ZMYND8: variants seen among roughly 807,000 people sequenced by gnomAD.
ZMYND8 encodes the protein zinc finger MYND-type containing 8, also known as MYND-type zinc finger-containing chromatin reader ZMYND8.
A neutral mutation model predicts 140.8 loss-of-function variants in ZMYND8; 37 were observed. That is an observed-to-expected ratio of 0.26 (90% CI 0.20 to 0.35). The LOEUF (loss-of-function observed/expected upper bound fraction) is 0.35, where lower values mean the gene tolerates loss of function less well. ZMYND8 is among the 10% of genes least tolerant of loss of function. The probability of loss-of-function intolerance (pLI) is 1.00; values close to 1 mark genes in which losing one functional copy is unlikely to be tolerated. For missense variants in ZMYND8, 1,068 were observed against 1,570.0 expected (o/e 0.68, Z 5.40); for synonymous variants, 592 against 597.1 (o/e 0.99, Z 0.12).
rs115668241 is a variant in ZMYND8 at position 47,248,134 on chromosome 20, G to A, written c.1774+1153C>T. ...TTATTACTGGTGTGACCCTGAACAA[G>A]TTATTTATCTCTCTGAGCCTCAGTT... On this transcript the variant is annotated intron_variant, in intron 13 of 22. Coordinates refer to ENST00000471951, the MANE Select transcript of ZMYND8 (RefSeq NM_001281775.3). Among the ~76,000 whole-genome samples, 705 of 152,308 alleles carry A rather than the reference G, an allele frequency of 4.6e-3. 7 individuals carry two copies. The highest frequency in any genetic ancestry group is 0.016 in the African/African-American group (672 of 41,564).
chr20:47,266,566 G>A (rs796461560), intron 11 of ZMYND8, among the ~76,000 whole-genome samples: 31 of 152,214 alleles, frequency 2.0e-4, no homozygotes, highest in African/African-American at 7.5e-4. Context: ...ACAGATGTTT[G>A]AGCCACTACA....
chr20:47,303,505 G>T (rs1182180426), intron 3 of ZMYND8, among the ~76,000 whole-genome samples: 1 of 152,092 alleles, frequency 6.6e-6, no homozygotes, highest in Non-Finnish European at 1.5e-5. Flanking sequence ...ATCACCTCAG[G>T]TCAGGAGTTC....
Position 47,239,015 on chromosome 20 carries a change from G to C in ZMYND8, c.2408C>G (p.Ser803Cys), listed in dbSNP as rs746018284. 1 of 1,602,494 alleles carries C rather than the reference G, an allele frequency of 6.2e-7. No homozygotes were observed. The highest frequency in any genetic ancestry group is 8.5e-7 in the Non-Finnish European group (1 of 1,171,602). ...AGATATTSTSSTVTVTAPAPA... is the reference protein window; with the variant it reads ...AGATATTSTSCTVTVTAPAPA... The stretch of plus-strand genomic sequence containing the variant: ...GGCCGGGGCCGTGACGGTGACCGTG[G>C]AGGACGTGCTGGTGGTGGCTGTGGC... The change falls in exon 15 of 23, where the codon TCC becomes TGC. Residue 803 changes from serine (S) to cysteine (C), a missense_variant. By Grantham distance (112) the Ser-to-Cys change is moderately radical. Coordinates refer to ENST00000471951, the MANE Select transcript of ZMYND8 (RefSeq NM_001281775.3).
In ZMYND8 at chr20:47,310,300, G is replaced by A. The variant is rs139620712; in HGVS notation, c.86-96C>T. 1,560 of 1,446,246 alleles carry A rather than the reference G, an allele frequency of 1.1e-3. 12 individuals carry two copies. In the African/African-American group the frequency reaches 0.021, roughly 19 times the overall value. The allele number at this position is 1,446,246 out of a possible 1,614,324, so 89.6% of individuals were successfully genotyped here. A position where few individuals can be genotyped will look rare whatever the true frequency, so the allele number is the denominator to read the frequency against. On this transcript the variant is annotated intron_variant, in intron 2 of 22. Coordinates refer to ENST00000471951, the MANE Select transcript of ZMYND8 (RefSeq NM_001281775.3). ...GAGGAACCAAGTGTGGGAACAGAGT[G>A]CATTCTGTCCCCCAACTCCCGAAGC... is the stretch of plus-strand genomic sequence containing the variant.
chr20:47,276,887 G>GT, intron 10 of ZMYND8, 92 bp from the exon 11 acceptor site: 1 of 738,954 alleles, frequency 1.4e-6, no homozygotes, highest in Non-Finnish European at 1.9e-6. Context: ...AGCCAAGCAT[G>GT]TTTGCCAAGA....
chr20:47,348,406 T>TG (rs1569255122), intron 1 of ZMYND8: 3 of 171,586 alleles, frequency 1.7e-5, no homozygotes, highest in African/African-American at 7.3e-5. Flanking sequence ...GGCAGGAACA[T>TG]GGGAAAAAAA....
chr20:47,261,154 A>C (rs923403680), intron 12 of ZMYND8, among the ~76,000 whole-genome samples: 23 of 152,182 alleles, frequency 1.5e-4, no homozygotes, highest in Non-Finnish European at 3.1e-4. Flanking sequence ...TGGGAAGCAG[A>C]AGTTTGCAGT....
intron 3 of ZMYND8, among the ~76,000 whole-genome samples, chr20:47,302,667 A>G (rs1300840715): frequency 6.6e-6 from 1 of 152,190 alleles, no homozygotes; most frequent in Admixed American, 6.6e-5. Flanking sequence ...AGCCCAGAGC[A>G]AAGACTCAAA....
At position 47,276,166 on chromosome 20, in the gene ZMYND8, C is replaced by A. The variant is rs532227698; in HGVS notation, c.1480+148G>T. 3.9e-5 allele frequency: 46 copies of A among 1,177,160 alleles called. No homozygotes were observed. In the African/African-American group the frequency reaches 6.7e-4, roughly 17 times the overall value. The allele number at this position is 1,177,160 out of a possible 1,614,324, so 72.9% of individuals were successfully genotyped here. A position where few individuals can be genotyped will look rare whatever the true frequency, so the allele number is the denominator to read the frequency against. ...TGGGTTACTAGCAGCAAGAACTCCA[C>A]TGGTGACTTCTTGAAAATCTGCTCT... On this transcript the variant is annotated intron_variant, in intron 11 of 22. Coordinates refer to ENST00000471951, the MANE Select transcript of ZMYND8 (RefSeq NM_001281775.3).
rs1365670887 is a variant in ZMYND8 at position 47,220,312 on chromosome 20, A to G, written c.3430T>C (p.Ser1144Pro). Residue 1144 changes from serine (S) to proline (P), a missense_variant, in exon 21 of 23, where the codon TCT becomes CCT. Ser to Pro is a moderately conservative substitution (Grantham distance 74). This residue lies in a region of ZMYND8 where 180 missense variants were observed against 187.8 expected (regional missense o/e 0.96). Transcript: ENST00000471951. ...SKESGSTLDL[S>P]GSRETPSSIL... ...GAGGAGGGCGTCTCTCTGGAGCCAG[A>G]AAGGTCAAGGGTCTAGAAATACAAA... 1.3e-6 allele frequency: 2 copies of G among 1,560,812 alleles called. No homozygotes were observed. Among genetic ancestry groups the G allele is most frequent in the Admixed American group, 1.9e-5 (1 of 52,816 alleles).
chr20:47,253,091 C>G (rs2074318653), intron 12 of ZMYND8, among the ~76,000 whole-genome samples: 1 of 152,226 alleles, frequency 6.6e-6, no homozygotes, highest in Admixed American at 6.5e-5. Context: ...GCCGTAAAAT[C>G]TGCCATCTTC....
At chr20:47,341,526 CAAAAA>C (rs112093006) in intron 2 of ZMYND8, among the ~76,000 whole-genome samples, 2 of 56,300 alleles carry the variant, frequency 3.6e-5, no homozygotes, top group Non-Finnish European at 7.7e-5. Flanking sequence ...GACTCCATCT[CAAAAA>C]AAAAAAAAAA....
chr20:47,246,239 C>G lies in ZMYND8; in HGVS notation c.2053G>C (p.Asp685His). Reference protein sequence around the residue: ...SEKADPGAVKDKASPEPEKDF... With the variant: ...SEKADPGAVKHKASPEPEKDF... ...TTCTCAGGCTCAGGGCTGGCCTTGT[C>G]CTTGACTGCTCCAGGGTCTGCCTTC... The change falls in exon 14 of 23, where the codon GAC becomes CAC. Residue 685 changes from aspartate to histidine, a missense_variant. Coordinates refer to ENST00000471951, the MANE Select transcript of ZMYND8 (RefSeq NM_001281775.3). 6.2e-7 allele frequency: 1 copy of G among 1,614,144 alleles called. No individual in the cohort carries two copies. The highest frequency in any genetic ancestry group is 8.5e-7 in the Non-Finnish European group (1 of 1,180,028).
In ZMYND8 at chr20:47,212,700, A is replaced by G; in HGVS notation, c.3510T>C (p.Pro1170=). The stretch of plus-strand genomic sequence containing the variant: ...GGTCTGTGGTGGTTGGGGCATAGGC[A>G]GGTTGCTTGTCACACCTTTTGCTAA... ...GSVSKRCDKQ[P]AYAPTTTDHQ... is the part of the protein sequence containing the mutation. Residue 1170 remains proline (P), a synonymous_variant, in exon 22 of 23, where the codon CCT becomes CCC. Coordinates refer to ENST00000471951, the MANE Select transcript of ZMYND8 (RefSeq NM_001281775.3). 1 of 1,612,940 alleles carries G rather than the reference A, an allele frequency of 6.2e-7. No homozygotes were observed. Among genetic ancestry groups the G allele is most frequent in the South Asian group, 1.1e-5 (1 of 90,986 alleles).
At chr20:47,324,388 G>A (rs551963714) in intron 2 of ZMYND8, among the ~76,000 whole-genome samples, 2 of 151,628 alleles carry the variant, frequency 1.3e-5, no homozygotes, top group South Asian at 4.2e-4. Flanking sequence ...GCATGGTGGC[G>A]GGTGCCTGTA....
intron 10 of ZMYND8, among the ~76,000 whole-genome samples, chr20:47,277,363 A>C (rs558840722): frequency 6.6e-6 from 1 of 152,330 alleles, no homozygotes; most frequent in East Asian, 1.9e-4. Flanking sequence ...TCCATATCCC[A>C]CATTCCAATT....
intron 19 of ZMYND8, 76 bp downstream of exon 19, chr20:47,224,241 A>G: frequency 6.3e-7 from 1 of 1,581,238 alleles, no homozygotes; most frequent in Non-Finnish European, 8.6e-7. Flanking sequence ...TAGCCCTGAG[A>G]CCCCTGAAGT....
At chr20:47,287,135 G>T in intron 8 of ZMYND8, 94 bp downstream of exon 8, 1 of 1,131,718 alleles carries the variant, frequency 8.8e-7, no homozygotes, top group South Asian at 1.3e-5. Context: ...AAATCACCTC[G>T]GCTACCTAAT....
rs540834398 is a variant in ZMYND8, at chr20:47,288,668, T to C, written c.749-1384A>G. 1.8e-4 allele frequency among the ~76,000 whole-genome samples: 28 copies of C among 152,276 alleles called. 1 individual carries two copies. Among genetic ancestry groups the C allele is most frequent in the African/African-American group, 5.3e-4 (22 of 41,572 alleles). ...TCAGCTTCCCAAAGTGCTGTGATTA[T>C]AGGCATGAGCCACTGCACCTGACCC... On this transcript the variant is annotated intron_variant, in intron 7 of 22. Coordinates refer to ENST00000471951, the MANE Select transcript of ZMYND8 (RefSeq NM_001281775.3).
Sources: allele counts gnomAD v4.1 joint callset (sites outside exome capture counted in the v4.1 genomes callset), GRCh38; gene constraint gnomAD v4.1.1; regional missense constraint gnomAD v4.1.1; transcripts MANE v1.5; gene names NCBI Gene and HGNC (gene_info 2026-07-23, HGNC 2026-07-21).